The following PPP1R9A variants were observed in gnomAD, a reference collection of about 807,000 sequenced individuals.
PPP1R9A encodes the protein neurabin-1.
A neutral mutation model predicts 141.9 loss-of-function variants in PPP1R9A; 59 were observed. That is an observed-to-expected ratio of 0.42 (90% CI 0.34 to 0.52). The LOEUF (loss-of-function observed/expected upper bound fraction) is 0.52, where lower values mean the gene tolerates loss of function less well. Among genes scored for constraint, PPP1R9A ranks in the 20% least tolerant of loss-of-function variants. PPP1R9A has a pLI of 0.10. For synonymous variants in PPP1R9A, 500 were observed against 569.7 expected (o/e 0.88, Z 1.74); for missense variants, 1,444 against 1,611.9 (o/e 0.90, Z 1.78).
At chr7:95,211,672 A>G (rs1412649162) in intron 7 of PPP1R9A, among the ~76,000 whole-genome samples, 1 of 152,138 alleles carries the variant, frequency 6.6e-6, no homozygotes, top group African/African-American at 2.4e-5. Flanking sequence ...TCCTAAAATT[A>G]CAGACTGACA....
chr7:95,158,044 A>G (rs1445592287), intron 4 of PPP1R9A, among the ~76,000 whole-genome samples: 1 of 152,268 alleles, frequency 6.6e-6, no homozygotes, highest in Non-Finnish European at 1.5e-5. Flanking sequence ...CCATTTTAGG[A>G]GAATTGCCCT....
intron 16 of PPP1R9A, among the ~76,000 whole-genome samples, chr7:95,282,403 G>A (rs1804434197): frequency 6.6e-6 from 1 of 152,184 alleles, no homozygotes; most frequent in Non-Finnish European, 1.5e-5. Flanking sequence ...GACCTCTGCA[G>A]AGGTAATGTG....
chr7:95,045,114 T>A (rs1487555788), intron 2 of PPP1R9A, among the ~76,000 whole-genome samples: 1 of 152,110 alleles, frequency 6.6e-6, no homozygotes, highest in African/African-American at 2.4e-5. Context: ...TGGTGGCAAA[T>A]ATCCGAGTTA....
At chr7:95,176,368 A>C (rs1279178856) in intron 5 of PPP1R9A, 3 of 152,224 alleles carry the variant, frequency 2.0e-5, no homozygotes, top group Non-Finnish European at 4.4e-5. Flanking sequence ...CTTCAGCCTT[A>C]GACCTTTCCT....
At chr7:94,981,905 A>G (rs1489083174) in intron 2 of PPP1R9A, among the ~76,000 whole-genome samples, 1 of 151,940 alleles carries the variant, frequency 6.6e-6, no homozygotes, top group Non-Finnish European at 1.5e-5. Context: ...TACACGTGCC[A>G]TGTTGGTTTG....
chr7:94,983,481 T>A (rs1800389170), intron 2 of PPP1R9A, among the ~76,000 whole-genome samples: 1 of 152,122 alleles, frequency 6.6e-6, no homozygotes. Context: ...ATTCTTCAAT[T>A]TGTTTGTGTC....
At chr7:95,275,126 G>A (rs1288526034) in intron 16 of PPP1R9A, among the ~76,000 whole-genome samples, 1 of 152,188 alleles carries the variant, frequency 6.6e-6, no homozygotes, top group East Asian at 1.9e-4. Flanking sequence ...TTGAGAGGAT[G>A]GCAAGGCTTG....
At chr7:95,209,493 A>G (rs1270754063) in intron 7 of PPP1R9A, among the ~76,000 whole-genome samples, 1 of 152,162 alleles carries the variant, frequency 6.6e-6, no homozygotes, top group Non-Finnish European at 1.5e-5. Context: ...TCTTGCAGTA[A>G]AGATCTTTGA....
At chr7:95,236,884 G>A (rs1796751598) in intron 8 of PPP1R9A, among the ~76,000 whole-genome samples, 1 of 150,758 alleles carries the variant, frequency 6.6e-6, no homozygotes, top group African/African-American at 2.4e-5. Context: ...TTATTTATAT[G>A]TATTTTTTCT....
intron 2 of PPP1R9A, among the ~76,000 whole-genome samples, chr7:94,929,580 T>C (rs999601791): frequency 1.3e-5 from 2 of 152,210 alleles, no homozygotes; most frequent in Non-Finnish European, 2.9e-5. Flanking sequence ...AGTTTAATAT[T>C]GTTGGTACAT....
At chr7:95,219,155 G>C (rs986790665) in intron 7 of PPP1R9A, among the ~76,000 whole-genome samples, 2 of 152,164 alleles carry the variant, frequency 1.3e-5, no homozygotes, top group Non-Finnish European at 2.9e-5. Context: ...CTCTTGTAGG[G>C]CAGGTCTGGT....
At chr7:95,159,546 C>T (rs145746862) in intron 4 of PPP1R9A, among the ~76,000 whole-genome samples, 218 of 152,186 alleles carry the variant, frequency 1.4e-3, no homozygotes, top group African/African-American at 5.2e-3. Context: ...GTGGTGATTA[C>T]CTCTGTATAA....
At chr7:95,053,338 G>C (rs183864619) in intron 2 of PPP1R9A, among the ~76,000 whole-genome samples, 271 of 152,294 alleles carry the variant, frequency 1.8e-3, no homozygotes, top group Non-Finnish European at 2.9e-3. Flanking sequence ...AAAGCAGAGG[G>C]AACAGGGAAT....
At chr7:94,912,852 T>G (rs753252827) in intron 2 of PPP1R9A, among the ~76,000 whole-genome samples, 16 of 152,110 alleles carry the variant, frequency 1.1e-4, no homozygotes, top group Non-Finnish European at 2.1e-4. Context: ...TTCTTTGCAG[T>G]GCTTTACCAC....
intron 8 of PPP1R9A, among the ~76,000 whole-genome samples, chr7:95,245,825 A>G (rs1202620620): frequency 6.6e-6 from 1 of 152,142 alleles, no homozygotes; most frequent in Non-Finnish European, 1.5e-5. Context: ...ACATTTCCAC[A>G]TAGGGTCCTA....
intron 12 of PPP1R9A, 37 bp downstream of exon 12, chr7:95,252,167 A>G: frequency 6.6e-7 from 1 of 1,519,314 alleles, no homozygotes; most frequent in Non-Finnish European, 8.8e-7. Context: ...ATTTTTGATG[A>G]CTGTGTAATT....
Position 95,111,296 on chromosome 7 carries a change from G to A in PPP1R9A, c.1433G>A (p.Arg478Lys). 1.2e-6 allele frequency: 2 copies of A among 1,612,836 alleles called. No individual in the cohort carries two copies. The highest frequency in any genetic ancestry group is 2.2e-5 in the East Asian group (1 of 44,838). The change falls in exon 3 of 20, where the codon AGA (arginine) becomes AAA (lysine). Residue 478 changes from arginine to lysine, a missense_variant. Arg to Lys is a conservative substitution (Grantham distance 26). This residue lies in a region of PPP1R9A where 488 missense variants were observed against 542.0 expected (regional missense o/e 0.90). Transcript: ENST00000433360. ...NTYSNEDYDR[R>K]NDEVDPVAAS... is the part of the protein sequence containing the mutation. ...TACTCCAATGAAGACTATGACAGGA[G>A]AAATGACGAAGTTGACCCTGTGGCT...
intron 8 of PPP1R9A, among the ~76,000 whole-genome samples, chr7:95,238,251 T>A (rs1433372612): frequency 1.3e-5 from 2 of 152,186 alleles, no homozygotes; most frequent in African/African-American, 4.8e-5. Flanking sequence ...TGTAATGGGA[T>A]TCTGGTGCTG....
intron 2 of PPP1R9A, among the ~76,000 whole-genome samples, chr7:94,975,863 CT>C (rs1799391977): frequency 6.6e-6 from 1 of 152,142 alleles, no homozygotes; most frequent in Non-Finnish European, 1.5e-5. Context: ...TTTTTAACCC[CT>C]TCCTCTCAAT....
Sources: gnomAD v4.1 joint callset for allele counts (sites outside exome capture counted in the v4.1 genomes callset) on GRCh38, gnomAD v4.1.1 for gene constraint, gnomAD v4.1.1 regional missense constraint, MANE v1.5 for transcripts, NCBI Gene and HGNC (gene_info 2026-07-23, HGNC 2026-07-21) for gene names.